ANKRD50: variants seen among roughly 807,000 people sequenced by gnomAD.
ANKRD50 encodes ankyrin repeat domain-containing protein 50.
In ANKRD50, 40 loss-of-function variants were observed where a neutral mutation model predicts 112.0. That is an observed-to-expected ratio of 0.36 (90% confidence interval 0.28 to 0.46). The LOEUF is 0.46. ANKRD50 is among the 20% of genes least tolerant of loss of function. ANKRD50 has a pLI of 1.00. For missense variants in ANKRD50, 1,487 were observed against 1,701.7 expected (o/e 0.87, Z 2.22); for synonymous variants, 613 against 619.1 (o/e 0.99, Z 0.15).
At chr4:124,691,493 C>T (rs1366194729) in intron 2 of ANKRD50, among the ~76,000 whole-genome samples, 47 of 80,334 alleles carry the variant, frequency 5.9e-4, no homozygotes, top group African/African-American at 2.1e-3. Context: ...AGCGAGACTC[C>T]GTCTCAAAAA....
chr4:124,690,644 A>G (rs938131024), intron 2 of ANKRD50, among the ~76,000 whole-genome samples: 1 of 152,216 alleles, frequency 6.6e-6, no homozygotes, highest in Non-Finnish European at 1.5e-5. Flanking sequence ...ATTTTTAAAA[A>G]GACCATGCAT....
At chr4:124,708,784 A>G (rs1725563949) in intron 2 of ANKRD50, among the ~76,000 whole-genome samples, 1 of 151,268 alleles carries the variant, frequency 6.6e-6, no homozygotes, top group South Asian at 2.1e-4. Context: ...TGAACAATTT[A>G]TTTAGCCTCT....
At chr4:124,676,310 C>G (rs986494146) in intron 3 of ANKRD50, among the ~76,000 whole-genome samples, 3 of 151,280 alleles carry the variant, frequency 2.0e-5, no homozygotes, top group African/African-American at 7.3e-5. Context: ...TTAAAATATG[C>G]TATTACAACC....
chr4:124,712,231 C>T (rs1000224101), intron 1 of ANKRD50, among the ~76,000 whole-genome samples: 1 of 152,118 alleles, frequency 6.6e-6, no homozygotes, highest in African/African-American at 2.4e-5. Flanking sequence ...CTTGCCAATC[C>T]CAGACGAGGG....
At chr4:124,689,529 TCATC>T (rs1302226570) in intron 2 of ANKRD50, among the ~76,000 whole-genome samples, 2 of 152,196 alleles carry the variant, frequency 1.3e-5, no homozygotes, top group African/African-American at 4.8e-5. Context: ...GTGGTGGCCT[TCATC>T]CAATCAAAGA....
Position 124,699,258 on chromosome 4 carries a change from A to T in ANKRD50, c.512+10742T>A, listed in dbSNP as rs116504693. On this transcript the variant is annotated intron_variant, in intron 2 of 4. Coordinates refer to ENST00000504087, the MANE Select transcript of ANKRD50 (RefSeq NM_020337.3). ...TTCAGATTTAGAAGCAGATATGATA[A>T]AAAAAAAAAAAAATTGGGTAGGTAC... is the stretch of plus-strand genomic sequence containing the variant. Among the ~76,000 whole-genome samples, 263 of 113,268 alleles carry T rather than the reference A, an allele frequency of 2.3e-3. 1 individual carries two copies. Among genetic ancestry groups the T allele is most frequent in the Middle Eastern group, 5.2e-3 (1 of 194 alleles). 74.3% of individuals were successfully genotyped at this position (113,268 alleles called of 152,430 possible).
rs3733471 is a variant in ANKRD50 at position 124,670,532 on chromosome 4, A to G, written c.2745T>C (p.Asn915=). 0.23 allele frequency: 373,000 copies of G among 1,612,998 alleles called. 44,662 individuals are homozygous for G. The highest frequency in any genetic ancestry group is 0.37 in the African/African-American group (27,563 of 74,840). Residue 915 remains asparagine, a synonymous_variant, in exon 4 of 5, where the codon AAT becomes AAC. Coordinates refer to ENST00000504087, the MANE Select transcript of ANKRD50 (RefSeq NM_020337.3). ...NIDQRGYDGR[N]ALRVAALEGH... ...CTTCTAATGCAGCAACCCGCAGTGC[A>G]TTTCTTCCATCATAACCTCTTTGAT... is the stretch of plus-strand genomic sequence containing the variant.
At position 124,666,006 on chromosome 4, in the gene ANKRD50, G is replaced by A. The variant is rs2110504012; in HGVS notation, c.*1512C>T. The A allele has an allele frequency of 6.6e-6, 1 of 151,990 alleles. No homozygotes were observed. The highest frequency in any genetic ancestry group is 2.1e-4 in the South Asian group (1 of 4,824). 9.4% of individuals were successfully genotyped at this position (151,990 alleles called of 1,614,324 possible). On this transcript the variant is annotated 3_prime_UTR_variant, in exon 5 of 5. Transcript: ENST00000504087. The stretch of plus-strand genomic sequence containing the variant: ...AGATTTTGTTCTAGAAGTAGCAATG[G>A]TTTTGTGCTGAATCTCCAAATTCTC...
chr4:124,669,676 C>A lies in ANKRD50; in HGVS notation c.3601G>T (p.Ala1201Ser). 1 of 1,612,818 alleles carries A rather than the reference C, an allele frequency of 6.2e-7. No homozygotes were observed. The highest frequency in any genetic ancestry group is 8.5e-7 in the Non-Finnish European group (1 of 1,179,680). The change falls in exon 4 of 5, where the codon GCT (alanine) becomes TCT (serine). Residue 1201 changes from alanine (A) to serine (S), a missense_variant. This residue lies in a region of ANKRD50 where 441 missense variants were observed against 432.2 expected (regional missense o/e 1.02). Transcript: ENST00000504087. ...AAGCTATCAATTGGCACTGTTTGAG[C>A]CGTTGCTGTAGATGAAGTAGTTCTC... ...SLRTTSSTAT[A>S]QTVPIDSFHN... is the part of the protein sequence containing the mutation.
Position 124,669,211 on chromosome 4 carries a change from T to C in ANKRD50, c.4066A>G (p.Lys1356Glu). ...TTTGTCATTATTCCATTTCTCTTCTTCTGTTCCCCACTTTGTTGGTGAATA... is the reference window on the plus strand; with the variant it reads ...TTTGTCATTATTCCATTTCTCTTCTCCTGTTCCCCACTTTGTTGGTGAATA... ...FLIHQQSGEQ[K>E]KRNGIMTNPN... is the part of the protein sequence containing the mutation. Residue 1356 changes from lysine to glutamate, a missense_variant, in exon 4 of 5, where the codon AAG (lysine) becomes GAG (glutamate). Coordinates refer to ENST00000504087, the MANE Select transcript of ANKRD50 (RefSeq NM_020337.3). 1 of 1,613,702 alleles carries C rather than the reference T, an allele frequency of 6.2e-7. No individual in the cohort carries two copies.
chr4:124,667,836 T>G (rs979572160), intron 4 of ANKRD50, among the ~76,000 whole-genome samples: 5 of 152,130 alleles, frequency 3.3e-5, no homozygotes, highest in African/African-American at 1.2e-4. Context: ...ATTAAGTACT[T>G]TATTCAAATT....
intron 2 of ANKRD50, among the ~76,000 whole-genome samples, chr4:124,698,250 C>T (rs541009190): frequency 6.6e-6 from 1 of 152,130 alleles, no homozygotes; most frequent in East Asian, 1.9e-4. Context: ...TAGATCCATA[C>T]TCTACATCCA....
intron 4 of ANKRD50, among the ~76,000 whole-genome samples, chr4:124,668,143 C>CT (rs1462274276): frequency 2.6e-5 from 4 of 151,786 alleles, no homozygotes; most frequent in African/African-American, 9.7e-5. Context: ...AAATATAAAA[C>CT]TTACATACCT....
intron 3 of ANKRD50, among the ~76,000 whole-genome samples, chr4:124,675,262 C>G (rs962565942): frequency 2.6e-5 from 4 of 151,644 alleles, no homozygotes; most frequent in African/African-American, 9.7e-5. Flanking sequence ...TCTCAGGGTA[C>G]CGCATTACGC....
Position 124,669,861 on chromosome 4 carries a change from C to T in ANKRD50, c.3416G>A (p.Gly1139Asp), listed in dbSNP as rs1730591346. ...CTGCATATCCCCTCCACCAGTACTA[C>T]CAGAGCTATTTGATTTAATTGTTAA... Reference protein sequence around the residue: ...QSLTIKSNSSGSTGGGDMQPS... With the variant: ...QSLTIKSNSSDSTGGGDMQPS... Residue 1139 changes from glycine (G) to aspartate (D), a missense_variant, in exon 4 of 5, where the codon GGT (glycine) becomes GAT (aspartate). Coordinates refer to ENST00000504087, the MANE Select transcript of ANKRD50 (RefSeq NM_020337.3). 6.2e-7 allele frequency: 1 copy of T among 1,612,896 alleles called. No individual in the cohort carries two copies. Among genetic ancestry groups the T allele is most frequent in the Admixed American group, 1.7e-5 (1 of 59,758 alleles).
rs373521176 is a variant in ANKRD50, at chr4:124,671,823, G to A, written c.1454C>T (p.Ser485Phe). The change falls in exon 4 of 5, where the codon TCC becomes TTC. Residue 485 changes from serine (S) to phenylalanine (F), a missense_variant. Physicochemically the swap from Ser to Phe is radical, Grantham distance 155 (BLOSUM62 -2). Around this residue, in one of 2 missense-constraint regions of ANKRD50, gnomAD observed 1,046 missense variants for 1,269.5 expected, o/e 0.82. Coordinates refer to ENST00000504087, the MANE Select transcript of ANKRD50 (RefSeq NM_020337.3). ...MIWNGTPVRD[S>F]LSTLIPKEQE... The stretch of plus-strand genomic sequence containing the variant: ...TTCCTTGGGTATCAAAGTAGAAAGG[G>A]AATCTCTGACAGGTGTACCATTCCA... 1.7e-5 allele frequency: 28 copies of A among 1,613,754 alleles called. No homozygotes were observed. The highest frequency in any genetic ancestry group is 2.4e-5 in the Non-Finnish European group (28 of 1,179,872).
chr4:124,678,773 T>C lies in ANKRD50; in HGVS notation c.645A>G (p.Ala215=), dbSNP rs1376334787. 6.2e-7 allele frequency: 1 copy of C among 1,613,920 alleles called. No homozygotes were observed. Among genetic ancestry groups the C allele is most frequent in the Non-Finnish European group, 8.5e-7 (1 of 1,179,836 alleles). Residue 215 remains alanine, a synonymous_variant, in exon 3 of 5, where the codon GCA becomes GCG. Coordinates refer to ENST00000504087, the MANE Select transcript of ANKRD50 (RefSeq NM_020337.3). ...QTSTSLSGTV[A]ALLAGHHEFF... is the part of the protein sequence containing the mutation. ...ACTCATGGTGACCAGCTAAAAGTGC[T>C]GCAACAGTCCCAGATAAGCTGGTAG...
intron 2 of ANKRD50, among the ~76,000 whole-genome samples, chr4:124,682,132 A>C (rs1456659011): frequency 6.6e-6 from 1 of 151,758 alleles, no homozygotes; most frequent in Non-Finnish European, 1.5e-5. Context: ...CTGGCTAACA[A>C]GGTGAAACCC....
rs925727361 is a variant in ANKRD50, at chr4:124,670,029, C to G, written c.3248G>C (p.Arg1083Pro). 2 of 1,611,262 alleles carry G rather than the reference C, an allele frequency of 1.2e-6. No homozygotes were observed. The highest frequency in any genetic ancestry group is 1.7e-6 in the Non-Finnish European group (2 of 1,179,352). The change falls in exon 4 of 5, where the codon CGT becomes CCT. Residue 1083 changes from arginine to proline, a missense_variant. Physicochemically the swap from Arg to Pro is moderately radical, Grantham distance 103. Transcript: ENST00000504087. Reference sequence around the variant, plus strand: ...AGAATGTCCATTTTTGGCTGCAACACGCATAGCAGTGCGTCCAAATTGATC... The same window carrying G: ...AGAATGTCCATTTTTGGCTGCAACAGGCATAGCAGTGCGTCCAAATTGATC... ...HADQFGRTAM[R>P]VAAKNGHSQI...
Sources: allele counts gnomAD v4.1 joint callset (sites outside exome capture counted in the v4.1 genomes callset), GRCh38; gene constraint gnomAD v4.1.1; regional missense constraint gnomAD v4.1.1; transcripts MANE v1.5; gene names NCBI Gene and HGNC (gene_info 2026-07-23, HGNC 2026-07-21).